JAK2: variants seen among roughly 807,000 people sequenced by gnomAD.
JAK2 encodes the protein Janus kinase 2.
A neutral mutation model predicts 139.3 loss-of-function variants in JAK2; 86 were observed. The observed-to-expected ratio is 0.62, with a 90% CI of 0.52 to 0.74. The LOEUF (loss-of-function observed/expected upper bound fraction) is 0.74, where lower values mean the gene tolerates loss of function less well. Ranked by LOEUF, JAK2 falls within the 30% of genes least tolerant of loss-of-function variation. JAK2 has a pLI of 0.00. For missense variants in JAK2, 1,421 were observed against 1,360.3 expected (o/e 1.04, Z -0.70); for synonymous variants, 490 against 437.7 (o/e 1.12, Z -1.49).
At chr9:5,008,896 A>G (rs763226001) in intron 2 of JAK2, among the ~76,000 whole-genome samples, 7 of 152,090 alleles carry the variant, frequency 4.6e-5, no homozygotes, top group Non-Finnish European at 7.4e-5. Context: ...TTTTATGCTC[A>G]TAATATTTTT....
chr9:5,091,504 T>C (rs1285707306), intron 22 of JAK2: 4 of 152,156 alleles, frequency 2.6e-5, no homozygotes, highest in African/African-American at 9.7e-5. Flanking sequence ...ATGAGGATTT[T>C]GTAGGTGCAG....
intron 14 of JAK2, among the ~76,000 whole-genome samples, chr9:5,075,234 C>T (rs1340130760): frequency 6.6e-6 from 1 of 152,176 alleles, no homozygotes; most frequent in African/African-American, 2.4e-5. Flanking sequence ...GAAGCTACAG[C>T]AAGTTATCCA....
intron 19 of JAK2, 97 bp downstream of exon 19, chr9:5,081,958 A>G: frequency 1.0e-6 from 1 of 995,792 alleles, no homozygotes; most frequent in South Asian, 1.6e-5. Flanking sequence ...CATTTTAAGG[A>G]GTGCTTGTAG....
intron 2 of JAK2, among the ~76,000 whole-genome samples, chr9:5,015,238 T>G (rs1821966037): frequency 6.6e-6 from 1 of 152,216 alleles, no homozygotes; most frequent in African/African-American, 2.4e-5. Context: ...TGAATATTCT[T>G]GTAATGTGTC....
At chr9:4,998,404 GCA>G (rs1820716239) in intron 2 of JAK2, among the ~76,000 whole-genome samples, 1 of 151,958 alleles carries the variant, frequency 6.6e-6, no homozygotes, top group Non-Finnish European at 1.5e-5. Context: ...TTATAGGCGC[GCA>G]CCACCACGCC....
chr9:5,075,549 C>T (rs534537205), intron 14 of JAK2, among the ~76,000 whole-genome samples: 93 of 152,318 alleles, frequency 6.1e-4, no homozygotes, highest in African/African-American at 2.1e-3. Context: ...GCCTAGATGA[C>T]AGCACATCTG....
chr9:5,053,953 A>G (rs552447491), intron 6 of JAK2, among the ~76,000 whole-genome samples: 1 of 152,176 alleles, frequency 6.6e-6, no homozygotes, highest in Non-Finnish European at 1.5e-5. Flanking sequence ...TGTTCCTTAG[A>G]AGCACAGAAA....
At chr9:5,023,827 T>A (rs1056206307) in intron 3 of JAK2, among the ~76,000 whole-genome samples, 8 of 151,348 alleles carry the variant, frequency 5.3e-5, no homozygotes, top group African/African-American at 1.9e-4. Flanking sequence ...AAAGTCTGTA[T>A]TTTTTGTTGT....
At chr9:5,076,828 T>G (rs1157367413) in intron 14 of JAK2, among the ~76,000 whole-genome samples, 1 of 152,126 alleles carries the variant, frequency 6.6e-6, no homozygotes, top group African/African-American at 2.4e-5. Flanking sequence ...AAAGCAGTGG[T>G]TTGGAACCTG....
chr9:5,087,523 T>TTCTA (rs755073268), intron 19 of JAK2, among the ~76,000 whole-genome samples: 1 of 151,962 alleles, frequency 6.6e-6, no homozygotes. Context: ...CCTTCTGGTT[T>TTCTA]TCTATCTTAA....
chr9:5,077,381 A>G, intron 14 of JAK2, 72 bp from the exon 15 acceptor site: 1 of 541,152 alleles, frequency 1.8e-6, no homozygotes, highest in Non-Finnish European at 2.8e-6. Flanking sequence ...TGTAAGTATA[A>G]AGATTTAAAT....
chr9:5,053,045 GT>G (rs1047452566), intron 6 of JAK2, among the ~76,000 whole-genome samples: 1 of 152,030 alleles, frequency 6.6e-6, no homozygotes, highest in African/African-American at 2.4e-5. Flanking sequence ...TATGGTAACT[GT>G]TTAACTTTTT....
intron 2 of JAK2, among the ~76,000 whole-genome samples, chr9:5,000,296 C>T (rs1430584713): frequency 1.3e-5 from 2 of 151,982 alleles, no homozygotes; most frequent in Non-Finnish European, 2.9e-5. Flanking sequence ...ATAGAAATAA[C>T]TGACATAGTT....
chr9:5,062,793 T>C (rs1818279919), intron 8 of JAK2, among the ~76,000 whole-genome samples: 1 of 152,184 alleles, frequency 6.6e-6, no homozygotes, highest in Non-Finnish European at 1.5e-5. Context: ...TGTCCTGTTA[T>C]ATTTCATTTC....
chr9:5,087,474 A>ACTGGTAGTTCTTTTGCT (rs146226026), intron 19 of JAK2, among the ~76,000 whole-genome samples: 2 of 151,540 alleles, frequency 1.3e-5, no homozygotes, highest in African/African-American at 4.8e-5. Flanking sequence ...AAACCATATC[A>ACTGGTAGTTCTTTTGCT]CTCCCTTACT....
At chr9:5,037,440 A>T (rs967239179) in intron 4 of JAK2, among the ~76,000 whole-genome samples, 6 of 152,248 alleles carry the variant, frequency 3.9e-5, no homozygotes, top group Non-Finnish European at 8.8e-5. Context: ...CACAATAACA[A>T]AGACTTGGAA....
At position 5,033,157 on chromosome 9, in the gene JAK2, T is replaced by C. The variant is rs1004020964; in HGVS notation, c.350+3251T>C. Among the ~76,000 whole-genome samples the C allele has an allele frequency of 5.9e-5, 9 of 152,204 alleles. No individual in the cohort carries two copies. The South Asian group carries it at 1.9e-3, about 32-fold the overall frequency. ...AAGAAAGGGTATCAGAGATGGAAGATGAAATGAATGAAATGAAGTGAGAAG... is the reference window on the plus strand; with the variant it reads ...AAGAAAGGGTATCAGAGATGGAAGACGAAATGAATGAAATGAAGTGAGAAG... On this transcript the variant is annotated intron_variant, in intron 4 of 24. Coordinates refer to ENST00000381652, the MANE Select transcript of JAK2 (RefSeq NM_004972.4).
chr9:5,055,001 G>C, intron 7 of JAK2, 117 bp downstream of exon 7: 1 of 732,052 alleles, frequency 1.4e-6, no homozygotes, highest in East Asian at 2.7e-5. Flanking sequence ...GATAGAAGTG[G>C]AAGTTTTTAA....
At chr9:5,042,870 A>G (rs960612610) in intron 4 of JAK2, among the ~76,000 whole-genome samples, 1 of 152,152 alleles carries the variant, frequency 6.6e-6, no homozygotes, top group Non-Finnish European at 1.5e-5. Flanking sequence ...CGCCACAGGC[A>G]CGGCCACCGC....
Sources: gnomAD v4.1 joint callset for allele counts (sites outside exome capture counted in the v4.1 genomes callset) on GRCh38, gnomAD v4.1.1 for gene constraint, MANE v1.5 for transcripts, NCBI Gene and HGNC (gene_info 2026-07-23, HGNC 2026-07-21) for gene names.